The following FSTL4 variants were observed in gnomAD, a reference collection of about 807,000 sequenced individuals.
FSTL4 encodes the protein follistatin-related protein 4.
Under a neutral mutation model 78.2 loss-of-function variants are expected in FSTL4, and 28 were observed. The ratio of observed to expected loss-of-function variants is 0.36; its 90% CI spans 0.27 to 0.49. The LOEUF (loss-of-function observed/expected upper bound fraction) is 0.49. Ranked by LOEUF, FSTL4 falls within the 20% of genes least tolerant of loss-of-function variation. FSTL4 has a pLI of 0.98. For synonymous variants in FSTL4, 422 were observed against 440.5 expected (o/e 0.96, Z 0.53); for missense variants, 922 against 1,084.9 (o/e 0.85, Z 2.11).
At chr5:133,731,462 A>C in the FSTL4 span, among the ~76,000 whole-genome samples, 1 of 152,222 alleles carries the variant, frequency 6.6e-6, no homozygotes, top group Admixed American at 6.5e-5. Context: ...GCCACACAGC[A>C]AGCTAGAAAC....
chr5:133,259,370 G>T (rs1752458989), intron 6 of FSTL4, among the ~76,000 whole-genome samples: 1 of 152,112 alleles, frequency 6.6e-6, no homozygotes, highest in South Asian at 2.1e-4. Flanking sequence ...AAATAGACCA[G>T]TGCAGCTGAA....
intron 3 of FSTL4, among the ~76,000 whole-genome samples, chr5:133,471,672 G>A (rs1034847787): frequency 1.3e-5 from 2 of 152,164 alleles, no homozygotes; most frequent in African/African-American, 2.4e-5. Context: ...CAGGCTATGC[G>A]ATTTTGTTAT....
chr5:133,276,099 A>G (rs1752876900), intron 6 of FSTL4: 1 of 152,258 alleles, frequency 6.6e-6, no homozygotes, highest in Non-Finnish European at 1.5e-5. Context: ...AAGTAACATT[A>G]TACTAAATAT....
chr5:133,715,290 A>T, the FSTL4 span, among the ~76,000 whole-genome samples: 3 of 152,360 alleles, frequency 2.0e-5, no homozygotes, highest in African/African-American at 7.2e-5. Context: ...ATGCTGTTGC[A>T]GTCTTTAGAA....
intron 3 of FSTL4, among the ~76,000 whole-genome samples, chr5:133,518,869 A>T (rs1758916504): frequency 1.3e-5 from 2 of 152,230 alleles, no homozygotes; most frequent in Admixed American, 6.5e-5. Flanking sequence ...GGAAAAATTT[A>T]AAATCGTTCT....
chr5:133,604,138 A>ATATT, intron 1 of FSTL4, 145 bp from the exon 2 acceptor site: 1 of 611,452 alleles, frequency 1.6e-6, no homozygotes, highest in South Asian at 2.1e-5. Context: ...TGGAGAGGTT[A>ATATT]TATTACTTCT....
intron 4 of FSTL4, among the ~76,000 whole-genome samples, chr5:133,378,060 C>T (rs908614431): frequency 1.5e-4 from 23 of 152,032 alleles, no homozygotes; most frequent in Non-Finnish European, 2.4e-4. Context: ...TTTTCAAAAA[C>T]GAAGGCAAAA....
chr5:133,563,478 A>G (rs30486), intron 3 of FSTL4, among the ~76,000 whole-genome samples: 118,892 of 152,208 alleles, frequency 0.78, 46,593 homozygotes, highest in African/African-American at 0.83. Context: ...AGTCTCATGT[A>G]TGCAGTGCTA....
At chr5:133,820,186 C>T in the FSTL4 span, among the ~76,000 whole-genome samples, 28,770 of 152,120 alleles carry the variant, frequency 0.19, 2,917 homozygotes, top group Non-Finnish European at 0.21. Context: ...AGTCCTTCCC[C>T]ACAGAGCAGC....
intron 3 of FSTL4, among the ~76,000 whole-genome samples, chr5:133,477,761 T>C (rs1757953074): frequency 3.3e-5 from 5 of 152,106 alleles, no homozygotes; most frequent in Admixed American, 3.3e-4. Context: ...TTCTTCAAAC[T>C]TTATCTTCAA....
chr5:133,222,883 A>G (rs1431503655), intron 11 of FSTL4, among the ~76,000 whole-genome samples: 2 of 152,184 alleles, frequency 1.3e-5, no homozygotes, highest in Non-Finnish European at 2.9e-5. Flanking sequence ...CCTTATCCCT[A>G]TCTCCAGACC....
intron 3 of FSTL4, among the ~76,000 whole-genome samples, chr5:133,459,595 G>A (rs1757555038): frequency 6.6e-6 from 1 of 152,158 alleles, no homozygotes; most frequent in South Asian, 2.1e-4. Flanking sequence ...CTGCAGAGGA[G>A]ACTGTGGAGA....
the FSTL4 span, among the ~76,000 whole-genome samples, chr5:133,779,990 G>A: frequency 6.6e-6 from 1 of 152,178 alleles, no homozygotes; most frequent in Non-Finnish European, 1.5e-5. Flanking sequence ...CCTACAGAGG[G>A]CGTCTGTGAC....
the FSTL4 span, among the ~76,000 whole-genome samples, chr5:133,771,668 A>T: frequency 8.5e-5 from 13 of 152,210 alleles, no homozygotes; most frequent in Non-Finnish European, 1.5e-5. Flanking sequence ...ATGTAACATC[A>T]TATCATCAAT....
rs11403305 is a variant in FSTL4, at chr5:133,277,312, C to CAAA, written c.728-27739_728-27737dup. ...TGGGCAACAGAGCAAGACTCGGTCTCAAAAAAAAAAAGAAAAGAAAAGTGG... is the reference window on the plus strand; with the variant it reads ...TGGGCAACAGAGCAAGACTCGGTCTCAAAAAAAAAAAAAAGAAAAGAAAAGTGG... On this transcript the variant is annotated intron_variant, in intron 6 of 15. Coordinates refer to ENST00000265342, the MANE Select transcript of FSTL4 (RefSeq NM_015082.2). Among the ~76,000 whole-genome samples the CAAA allele has an allele frequency of 6.3e-5, 9 of 143,160 alleles. 1 individual carries two copies. In the South Asian group the frequency reaches 1.3e-3, roughly 21 times the overall value. The allele number at this position is 143,160 out of a possible 152,430, so 93.9% of individuals were successfully genotyped here. A position where few individuals can be genotyped will look rare whatever the true frequency, so the allele number is the denominator to read the frequency against.
intron 3 of FSTL4, chr5:133,458,242 A>G (rs1022331086): frequency 3.3e-5 from 5 of 152,268 alleles, no homozygotes; most frequent in African/African-American, 1.2e-4. Context: ...AACATTTTCA[A>G]CATTATCACC....
chr5:133,501,209 C>T (rs1312005197), intron 3 of FSTL4, among the ~76,000 whole-genome samples: 5 of 152,000 alleles, frequency 3.3e-5, no homozygotes, highest in Non-Finnish European at 2.9e-5. Context: ...AAGACATCTT[C>T]CAACCAAAAC....
At chr5:133,478,247 T>C (rs1026764284) in intron 3 of FSTL4, among the ~76,000 whole-genome samples, 2 of 152,192 alleles carry the variant, frequency 1.3e-5, no homozygotes, top group Non-Finnish European at 2.9e-5. Context: ...TGTGGCCCCA[T>C]TTGGATTTAG....
At chr5:133,385,691 G>A (rs1408335996) in intron 4 of FSTL4, among the ~76,000 whole-genome samples, 1 of 152,200 alleles carries the variant, frequency 6.6e-6, no homozygotes, top group Non-Finnish European at 1.5e-5. Context: ...TCACTGCAAG[G>A]CCTCCTTCCT....
Sources: gnomAD v4.1 joint callset for allele counts (sites outside exome capture counted in the v4.1 genomes callset) on GRCh38, gnomAD v4.1.1 for gene constraint, MANE v1.5 for transcripts, NCBI Gene and HGNC (gene_info 2026-07-23, HGNC 2026-07-21) for gene names.